EEF2K: variants seen among roughly 807,000 people sequenced by gnomAD.
EEF2K encodes eukaryotic elongation factor 2 kinase.
Under a neutral mutation model 93.8 loss-of-function variants are expected in EEF2K, and 70 were observed. The observed-to-expected ratio is 0.75, with a 90% confidence interval of 0.62 to 0.91. The LOEUF (loss-of-function observed/expected upper bound fraction) is 0.91, where lower values mean the gene tolerates loss of function less well. Ranked by LOEUF, EEF2K falls within the 40% of genes least tolerant of loss-of-function variation. EEF2K has a pLI of 0.00. For missense variants in EEF2K, 935 were observed against 972.9 expected (o/e 0.96, Z 0.52); for synonymous variants, 376 against 380.8 (o/e 0.99, Z 0.15).
chr16:22,225,706 G>A lies in EEF2K; in HGVS notation c.-24G>A. 1 of 1,610,930 alleles carries A rather than the reference G, an allele frequency of 6.2e-7. No homozygotes were observed. The highest frequency in any genetic ancestry group is 8.5e-7 in the Non-Finnish European group (1 of 1,178,160). On this transcript the variant is annotated 5_prime_UTR_variant, in exon 2 of 18. Transcript: ENST00000263026. ...ACTCTGGCTGTGCCGGATACTGCTT[G>A]GGTAAAACGGGCACCCCAGGAACAT...
Position 22,280,363 on chromosome 16 carries a change from C to A in EEF2K, c.2055C>A (p.Asp685Glu). 1 of 1,573,296 alleles carries A rather than the reference C, an allele frequency of 6.4e-7. No homozygotes were observed. The change falls in exon 17 of 18, where the codon GAC (aspartate) becomes GAA (glutamate). Residue 685 changes from aspartate (D) to glutamate (E), a missense_variant. By Grantham distance (45) the Asp-to-Glu change is conservative. Coordinates refer to ENST00000263026, the MANE Select transcript of EEF2K (RefSeq NM_013302.5). Reference sequence around the variant, plus strand: ...CAGGAGGCTACGGGCTGGAGAAGGACCCGCAGAGATCAGGTAGGGCCTGGC... The same window carrying A: ...CAGGAGGCTACGGGCTGGAGAAGGAACCGCAGAGATCAGGTAGGGCCTGGC... ...LFTGGYGLEK[D>E]PQRSGDLYTQ...
chr16:22,276,875 T>C (rs2047642374), intron 16 of EEF2K, among the ~76,000 whole-genome samples: 1 of 151,876 alleles, frequency 6.6e-6, no homozygotes, highest in Non-Finnish European at 1.5e-5. Context: ...TGAACAACAC[T>C]CTGAAACCCC....
rs772309922 is a variant in EEF2K, at chr16:22,263,193, G to A, written c.1377+6G>A. On this transcript the variant is annotated splice_donor_region_variant and intron_variant, in intron 12 of 17. Coordinates refer to ENST00000263026, the MANE Select transcript of EEF2K (RefSeq NM_013302.5). ...ACCCTGAGCCCCGAGAACATGTAAG[G>A]AACCCCCAGGAAATGAGACCGGTGT... 1 of 1,608,368 alleles carries A rather than the reference G, an allele frequency of 6.2e-7. No homozygotes were observed. Among genetic ancestry groups the A allele is most frequent in the South Asian group, 1.1e-5 (1 of 90,494 alleles).
chr16:22,275,246 T>C (rs527262683), intron 16 of EEF2K, among the ~76,000 whole-genome samples: 3 of 152,286 alleles, frequency 2.0e-5, no homozygotes, highest in African/African-American at 7.2e-5. Context: ...GATAAGTTTT[T>C]ATTGACTTGT....
In EEF2K at chr16:22,283,890, A is replaced by C; in HGVS notation, c.2072A>C (p.Asp691Ala). 6.3e-7 allele frequency: 1 copy of C among 1,590,602 alleles called. No homozygotes were observed. Among genetic ancestry groups the C allele is most frequent in the Admixed American group, 1.8e-5 (1 of 56,342 alleles). ...GCCCCCCTTTGCTGTCTTTCAGGGG[A>C]CTTGTATACCCAGGCAGCAGAGGCA... ...GLEKDPQRSG[D>A]LYTQAAEAAM... is the part of the protein sequence containing the mutation. The change falls in exon 18 of 18, where the codon GAC becomes GCC. Residue 691 changes from aspartate (D) to alanine (A), a missense_variant. By Grantham distance (126) the Asp-to-Ala change is moderately radical. Coordinates refer to ENST00000263026, the MANE Select transcript of EEF2K (RefSeq NM_013302.5).
chr16:22,212,297 T>C (rs1446161936), intron 1 of EEF2K, among the ~76,000 whole-genome samples: 1 of 152,168 alleles, frequency 6.6e-6, no homozygotes, highest in Non-Finnish European at 1.5e-5. Flanking sequence ...GGTTGCTGTT[T>C]ACATCGGTAA....
chr16:22,220,806 G>C (rs1337140996), intron 1 of EEF2K, among the ~76,000 whole-genome samples: 1 of 152,210 alleles, frequency 6.6e-6, no homozygotes, highest in Non-Finnish European at 1.5e-5. Context: ...TGGGGCTGTG[G>C]TTCTGGCCCT....
At position 22,264,827 on chromosome 16, in the gene EEF2K, T is replaced by C. The variant is rs549047596; in HGVS notation, c.1387T>C (p.Tyr463His). Residue 463 changes from tyrosine (Y) to histidine (H), a missense_variant, in exon 13 of 18, where the codon TAC (tyrosine) becomes CAC (histidine). Transcript: ENST00000263026. ...TTCTTCCTCCGTTCAGGGCCACTCA[T>C]ACAGTAATCGGAAGTACGAGTCTGA... ...DPEPREHGHS[Y>H]SNRKYESDED... 1.1e-5 allele frequency: 17 copies of C among 1,613,962 alleles called. No homozygotes were observed. In the African/African-American group the frequency reaches 1.3e-4, roughly 13 times the overall value.
intron 2 of EEF2K, among the ~76,000 whole-genome samples, chr16:22,235,567 A>T (rs1247017630): frequency 4.0e-5 from 6 of 149,902 alleles, no homozygotes; most frequent in Non-Finnish European, 8.9e-5. Flanking sequence ...GCACGATCTC[A>T]GCTCACTGGA....
At chr16:22,229,210 C>T (rs1206588377) in intron 2 of EEF2K, among the ~76,000 whole-genome samples, 1 of 152,074 alleles carries the variant, frequency 6.6e-6, no homozygotes. Context: ...TACATTTGTC[C>T]AATTTTGTGT....
rs747524616 is a variant in EEF2K at position 22,229,687 on chromosome 16, C to T, written c.246+3712C>T. On this transcript the variant is annotated intron_variant, in intron 2 of 17. Transcript: ENST00000263026. ...CTGCACTCCAGCCTGGGTGACAGAG[C>T]GAGACTCCATCTCAAAAAAAGAAGA... 5.9e-5 allele frequency among the ~76,000 whole-genome samples: 9 copies of T among 151,960 alleles called. 1 individual carries two copies. The highest frequency in any genetic ancestry group is 4.1e-4 in the South Asian group (2 of 4,824).
At chr16:22,212,640 T>C (rs1178521549) in intron 1 of EEF2K, among the ~76,000 whole-genome samples, 2 of 151,902 alleles carry the variant, frequency 1.3e-5, no homozygotes, top group African/African-American at 4.8e-5. Context: ...CTTTATGGTA[T>C]GTGGGGAGAT....
chr16:22,225,483 C>T (rs999033160), intron 1 of EEF2K, among the ~76,000 whole-genome samples, 171 bp from the exon 2 acceptor site: 2 of 152,136 alleles, frequency 1.3e-5, no homozygotes, highest in African/African-American at 4.8e-5. Context: ...CAGCGGGTTT[C>T]GAATTTAAAA....
At chr16:22,280,511 A>G in intron 17 of EEF2K, 135 bp downstream of exon 17, 1 of 1,052,940 alleles carries the variant, frequency 9.5e-7, no homozygotes, top group Non-Finnish European at 1.3e-6. Context: ...TTATGGAGCT[A>G]GTATGAAGAT....
At chr16:22,277,017 A>G (rs950472974) in intron 16 of EEF2K, among the ~76,000 whole-genome samples, 3 of 152,184 alleles carry the variant, frequency 2.0e-5, no homozygotes, top group Non-Finnish European at 4.4e-5. Flanking sequence ...GTGAGCCAAG[A>G]TCACATCATT....
intron 6 of EEF2K, among the ~76,000 whole-genome samples, chr16:22,256,103 AT>A (rs35496277): frequency 4.8e-5 from 7 of 146,682 alleles, no homozygotes; most frequent in East Asian, 2.0e-4. Context: ...TATTTTATTA[AT>A]TTTTTTTTTG....
intron 2 of EEF2K, among the ~76,000 whole-genome samples, chr16:22,232,788 C>T (rs557550084): frequency 2.6e-5 from 4 of 152,260 alleles, no homozygotes; most frequent in African/African-American, 9.6e-5. Flanking sequence ...AAAGCAGGCT[C>T]TGTTGGGTTA....
intron 16 of EEF2K, among the ~76,000 whole-genome samples, chr16:22,278,581 TCAGA>T (rs2047663372): frequency 6.6e-6 from 1 of 152,068 alleles, no homozygotes; most frequent in Non-Finnish European, 1.5e-5. Context: ...GCAGCGCCTG[TCAGA>T]CAGGGCCGCA....
intron 16 of EEF2K, among the ~76,000 whole-genome samples, chr16:22,274,767 C>T (rs1204354604): frequency 6.6e-6 from 1 of 151,826 alleles, no homozygotes; most frequent in African/African-American, 2.4e-5. Context: ...ACCACCACAC[C>T]CAGCTAAATT....
Sources: gnomAD v4.1 joint callset for allele counts (sites outside exome capture counted in the v4.1 genomes callset) on GRCh38, gnomAD v4.1.1 for gene constraint, MANE v1.5 for transcripts, NCBI Gene and HGNC (gene_info 2026-07-23, HGNC 2026-07-21) for gene names.